Variants in MCTP1 observed in about 807,000 individuals in gnomAD.
The protein encoded by MCTP1 is multiple C2 and transmembrane domain containing 1.
In MCTP1, 69 loss-of-function variants were observed where a neutral mutation model predicts 120.6. The observed-to-expected ratio is 0.57, with a 90% CI of 0.47 to 0.70. The LOEUF is 0.70. MCTP1 is among the 30% of genes least tolerant of loss of function. The probability of loss-of-function intolerance (pLI) is 0.00; values close to 1 mark genes in which losing one functional copy is unlikely to be tolerated. For synonymous variants in MCTP1, 529 were observed against 493.1 expected, an observed-to-expected ratio of 1.07 and a Z score of -0.96; for missense variants, 1,203 against 1,248.8, an observed-to-expected ratio of 0.96 and a Z score of 0.55.
Position 94,705,608 on chromosome 5 carries a change from C to T in MCTP1, c.*1888G>A, listed in dbSNP as rs1754374914. 1 of 150,316 alleles carries T rather than the reference C, an allele frequency of 6.7e-6. No homozygotes were observed. The highest frequency in any genetic ancestry group is 1.5e-5 in the Non-Finnish European group (1 of 67,460). 9.3% of individuals were successfully genotyped at this position (150,316 alleles called of 1,614,324 possible). A position where few individuals can be genotyped will look rare whatever the true frequency, so the allele number is the denominator to read the frequency against. On this transcript the variant is annotated 3_prime_UTR_variant, in exon 23 of 23. Transcript: ENST00000515393. ...TAGTCAGCATTACCATTGAACTAAA[C>T]ATCTGAAATTTGATACAGTGAAACA...
chr5:95,251,754 C>A (rs1757404089), intron 1 of MCTP1, among the ~76,000 whole-genome samples: 1 of 152,028 alleles, frequency 6.6e-6, no homozygotes, highest in Non-Finnish European at 1.5e-5. Flanking sequence ...CTGTTCTAAG[C>A]AGTTTATGTA....
At chr5:94,971,744 C>G (rs938805933) in intron 2 of MCTP1, among the ~76,000 whole-genome samples, 24 of 152,076 alleles carry the variant, frequency 1.6e-4, no homozygotes, top group Admixed American at 1.6e-3. Flanking sequence ...AATCACCACA[C>G]AGAGAGCCAT....
chr5:95,048,931 A>G (rs192940602), intron 1 of MCTP1, among the ~76,000 whole-genome samples: 1 of 152,256 alleles, frequency 6.6e-6, no homozygotes, highest in East Asian at 1.9e-4. Context: ...ACTTCCAAAG[A>G]ACTCCATTCT....
At chr5:95,141,270 A>G (rs571761166) in intron 1 of MCTP1, among the ~76,000 whole-genome samples, 1 of 152,242 alleles carries the variant, frequency 6.6e-6, no homozygotes, top group African/African-American at 2.4e-5. Context: ...AGTTACAGAC[A>G]TTTAAAAGAA....
At chr5:94,718,455 T>A (rs1311121942) in intron 19 of MCTP1, among the ~76,000 whole-genome samples, 1 of 152,160 alleles carries the variant, frequency 6.6e-6, no homozygotes, top group Non-Finnish European at 1.5e-5. Flanking sequence ...AAAGATTTCA[T>A]GACAAAAACT....
chr5:95,262,256 C>G (rs1161820215), intron 1 of MCTP1, among the ~76,000 whole-genome samples: 2 of 152,202 alleles, frequency 1.3e-5, no homozygotes, highest in Non-Finnish European at 2.9e-5. Context: ...TCCACAGACA[C>G]ATTTTTTTGA....
chr5:94,854,326 T>G (rs1794330264), intron 17 of MCTP1, among the ~76,000 whole-genome samples: 1 of 151,816 alleles, frequency 6.6e-6, no homozygotes, highest in Non-Finnish European at 1.5e-5. Context: ...GTGGGGATCA[T>G]GAATGTTCTT....
At chr5:95,117,833 A>G (rs895938530) in intron 1 of MCTP1, among the ~76,000 whole-genome samples, 2 of 152,244 alleles carry the variant, frequency 1.3e-5, no homozygotes, top group African/African-American at 4.8e-5. Flanking sequence ...CTATGCAGCC[A>G]TAAAAAGGAA....
At chr5:94,835,927 C>T (rs1789633907) in intron 17 of MCTP1, among the ~76,000 whole-genome samples, 1 of 152,078 alleles carries the variant, frequency 6.6e-6, no homozygotes, top group Admixed American at 6.6e-5. Context: ...TGGTGTGAAC[C>T]CGGGAGGCAG....
At chr5:94,923,346 T>C (rs563920203) in intron 7 of MCTP1, among the ~76,000 whole-genome samples, 1 of 152,180 alleles carries the variant, frequency 6.6e-6, no homozygotes, top group South Asian at 2.1e-4. Flanking sequence ...CTGTGCATAA[T>C]GCAGAATTAG....
chr5:95,181,968 G>C (rs1374344686), intron 1 of MCTP1, among the ~76,000 whole-genome samples: 1 of 152,014 alleles, frequency 6.6e-6, no homozygotes, highest in African/African-American at 2.4e-5. Flanking sequence ...TATGAAAACG[G>C]GTCACTGAAA....
chr5:95,182,849 C>T (rs1281347948), intron 1 of MCTP1, among the ~76,000 whole-genome samples: 4 of 151,866 alleles, frequency 2.6e-5, no homozygotes, highest in Middle Eastern at 6.8e-3. Context: ...TGGTAAAATC[C>T]GTCTCTACTA....
At chr5:94,725,950 TAA>T (rs1762045699) in intron 19 of MCTP1, among the ~76,000 whole-genome samples, 1 of 152,224 alleles carries the variant, frequency 6.6e-6, no homozygotes, top group African/African-American at 2.4e-5. Context: ...ACAACACTTT[TAA>T]AAGTTAAATT....
intron 19 of MCTP1, among the ~76,000 whole-genome samples, chr5:94,736,765 G>T (rs879646547): frequency 6.6e-6 from 1 of 152,118 alleles, no homozygotes; most frequent in Admixed American, 6.5e-5. Context: ...GGAGGTAATA[G>T]AGGTAAATTC....
intron 11 of MCTP1, among the ~76,000 whole-genome samples, chr5:94,889,719 T>C (rs1802115412): frequency 6.6e-6 from 1 of 151,386 alleles, no homozygotes. Flanking sequence ...TTCTTCAGTA[T>C]AAATTACCCT....
chr5:94,849,853 C>A (rs1421010238), intron 17 of MCTP1, among the ~76,000 whole-genome samples: 1 of 152,132 alleles, frequency 6.6e-6, no homozygotes, highest in Non-Finnish European at 1.5e-5. Context: ...GAAGGAAATT[C>A]TTTGCCATTT....
chr5:95,064,410 T>C (rs554804656), intron 1 of MCTP1, among the ~76,000 whole-genome samples: 4 of 152,216 alleles, frequency 2.6e-5, no homozygotes, highest in Non-Finnish European at 4.4e-5. Flanking sequence ...AGTCTACTAA[T>C]TTTGCATACT....
At chr5:95,257,547 G>A (rs1429271243) in intron 1 of MCTP1, among the ~76,000 whole-genome samples, 1 of 151,784 alleles carries the variant, frequency 6.6e-6, no homozygotes, top group African/African-American at 2.4e-5. Context: ...TCATATCACA[G>A]TTTGTCCAAT....
chr5:95,185,949 C>T (rs901029969), intron 1 of MCTP1, among the ~76,000 whole-genome samples: 1 of 151,990 alleles, frequency 6.6e-6, no homozygotes, highest in African/African-American at 2.4e-5. Flanking sequence ...AAGATCATGC[C>T]ACTGCACTCA....
Sources: gnomAD v4.1 joint callset for allele counts (sites outside exome capture counted in the v4.1 genomes callset) on GRCh38, gnomAD v4.1.1 for gene constraint, MANE v1.5 for transcripts, NCBI Gene and HGNC (gene_info 2026-07-23, HGNC 2026-07-21) for gene names.